Variants in MYT1L observed in about 807,000 individuals in gnomAD.
MYT1L encodes the protein myelin transcription factor 1-like protein.
MYT1L carries 12 observed loss-of-function variants against 126.7 expected under a neutral mutation model. That is an observed-to-expected ratio of 0.09 (90% CI 0.06 to 0.15). The LOEUF (loss-of-function observed/expected upper bound fraction) is 0.15, where lower values mean the gene tolerates loss of function less well. MYT1L is among the 10% of genes least tolerant of loss of function. The probability of loss-of-function intolerance (pLI) is 1.00; values close to 1 mark genes in which losing one functional copy is unlikely to be tolerated. For missense variants in MYT1L, 979 were observed against 1,585.2 expected, an observed-to-expected ratio of 0.62 and a Z score of 6.49; for synonymous variants, 541 against 604.2, an observed-to-expected ratio of 0.90 and a Z score of 1.53.
chr2:1,945,466 C>A (rs1420690259), intron 8 of MYT1L, among the ~76,000 whole-genome samples: 2 of 152,050 alleles, frequency 1.3e-5, no homozygotes, highest in Admixed American at 1.3e-4. Flanking sequence ...TACAGTCAGA[C>A]CCTGGGTGAG....
intron 4 of MYT1L, among the ~76,000 whole-genome samples, chr2:2,018,675 G>A (rs1218787279): frequency 2.0e-5 from 3 of 152,208 alleles, no homozygotes; most frequent in Non-Finnish European, 4.4e-5. Context: ...TCAGGAAGTA[G>A]CAGGGGATCC....
chr2:2,166,351 A>G (rs543037093), intron 3 of MYT1L, among the ~76,000 whole-genome samples: 1 of 152,096 alleles, frequency 6.6e-6, no homozygotes, highest in Admixed American at 6.5e-5. Flanking sequence ...TTGTTTATCT[A>G]CTCCTGTCAC....
At chr2:2,159,533 G>A (rs751507263) in intron 3 of MYT1L, among the ~76,000 whole-genome samples, 1 of 152,046 alleles carries the variant, frequency 6.6e-6, no homozygotes, top group Non-Finnish European at 1.5e-5. Context: ...CCTCGCTGCT[G>A]AGCGCGGGCT....
At chr2:1,823,583 G>A (rs1349315684) in intron 21 of MYT1L, among the ~76,000 whole-genome samples, 1 of 152,122 alleles carries the variant, frequency 6.6e-6, no homozygotes, top group Non-Finnish European at 1.5e-5. Context: ...GACGAGGCTG[G>A]GTGCCTGCAG....
rs141795753 is a variant in MYT1L, at chr2:1,824,691, G to C, written c.3080+14458C>G. On this transcript the variant is annotated intron_variant, in intron 21 of 24. Coordinates refer to ENST00000647738, the MANE Select transcript of MYT1L (RefSeq NM_001303052.2). ...CGAGTTGTCGAGAGGAGAGAGTGGA[G>C]GAGGACTCCGCAGTATCCCGGCTGA... is the stretch of plus-strand genomic sequence containing the variant. 4.0e-5 allele frequency: 6 copies of C among 151,584 alleles called. No individual in the cohort carries two copies. The East Asian group carries it at 1.2e-3, about 29-fold the overall frequency. The allele number at this position is 151,584 out of a possible 1,614,324, so 9.4% of individuals were successfully genotyped here.
At chr2:1,849,385 G>T (rs2042923986) in intron 19 of MYT1L, among the ~76,000 whole-genome samples, 1 of 152,128 alleles carries the variant, frequency 6.6e-6, no homozygotes. Context: ...TTTAATTCTG[G>T]CAATCTTGTT....
intron 2 of MYT1L, among the ~76,000 whole-genome samples, chr2:2,234,304 A>T (rs557292558): frequency 7.9e-5 from 12 of 152,326 alleles, no homozygotes; most frequent in African/African-American, 2.6e-4. Flanking sequence ...TGCTCTGAAG[A>T]TCATAAAAAA....
chr2:2,173,991 A>G (rs1045928921), intron 2 of MYT1L, among the ~76,000 whole-genome samples: 1 of 152,250 alleles, frequency 6.6e-6, no homozygotes, highest in East Asian at 1.9e-4. Flanking sequence ...ACACAAAGGC[A>G]GCCAATAAAA....
At chr2:2,017,157 C>A (rs1340026997) in intron 4 of MYT1L, among the ~76,000 whole-genome samples, 1 of 152,168 alleles carries the variant, frequency 6.6e-6, no homozygotes, top group African/African-American at 2.4e-5. Flanking sequence ...GTAGACTCCA[C>A]ACTGAGAGTT....
chr2:1,928,167 C>G (rs34355734), intron 9 of MYT1L, among the ~76,000 whole-genome samples: 1 of 152,062 alleles, frequency 6.6e-6, no homozygotes, highest in Admixed American at 6.5e-5. Flanking sequence ...TGCCCAGGCT[C>G]GTCTCAAAGT....
intron 14 of MYT1L, among the ~76,000 whole-genome samples, chr2:1,895,572 G>T (rs912103366): frequency 1.3e-5 from 2 of 152,184 alleles, no homozygotes; most frequent in Non-Finnish European, 2.9e-5. Flanking sequence ...ACAACCATCT[G>T]ATCTTTGATA....
intron 3 of MYT1L, among the ~76,000 whole-genome samples, chr2:2,122,837 A>G (rs908926167): frequency 2.4e-4 from 32 of 135,506 alleles, no homozygotes; most frequent in Non-Finnish European, 3.9e-4. Context: ...GAGGATAGGA[A>G]TGTGTGTGTG....
At position 1,923,161 on chromosome 2, in the gene MYT1L, T is replaced by G. The variant is rs2149110353; in HGVS notation, c.608A>C (p.Lys203Thr). The G allele has an allele frequency of 6.2e-7, 1 of 1,614,070 alleles. No homozygotes were observed. Among genetic ancestry groups the G allele is most frequent in the Non-Finnish European group, 8.5e-7 (1 of 1,179,902 alleles). The change falls in exon 10 of 25, where the codon AAG becomes ACG. Residue 203 changes from lysine (K) to threonine (T), a missense_variant. By Grantham distance (78) the Lys-to-Thr change is moderately conservative. This residue lies in a region of MYT1L where 243 missense variants were observed against 363.9 expected (regional missense o/e 0.67). Transcript: ENST00000647738. ...EYDNYDELVA[K>T]SLLNLGKIAE... ...GATTTTGCCGAGGTTTAACAATGACTTGGCCACCAGTTCATCGTAATTGTC... is the reference window on the plus strand; with the variant it reads ...GATTTTGCCGAGGTTTAACAATGACGTGGCCACCAGTTCATCGTAATTGTC...
intron 3 of MYT1L, among the ~76,000 whole-genome samples, chr2:2,076,949 A>G (rs1312206870): frequency 6.6e-6 from 1 of 152,194 alleles, no homozygotes; most frequent in East Asian, 1.9e-4. Flanking sequence ...AATTCAAAGG[A>G]ATCATGGCAA....
chr2:1,826,451 G>A (rs565512982), intron 21 of MYT1L, among the ~76,000 whole-genome samples: 15 of 152,274 alleles, frequency 9.9e-5, no homozygotes, highest in African/African-American at 2.4e-4. Context: ...CCTGGTCAGC[G>A]CTGGGCCAGA....
In MYT1L at chr2:1,952,803, C is replaced by CCCTCCCTCCCTT. The variant is rs1164063299; in HGVS notation, c.153-9481_153-9470dup. Among the ~76,000 whole-genome samples the CCCTCCCTCCCTT allele has an allele frequency of 7.4e-3, 372 of 50,508 alleles. 31 individuals carry two copies. Among genetic ancestry groups the CCCTCCCTCCCTT allele is most frequent in the African/African-American group, 0.027 (213 of 7,750 alleles). The allele number at this position is 50,508 out of a possible 152,430, so 33.1% of individuals were successfully genotyped here. A position where few individuals can be genotyped will look rare whatever the true frequency, so the allele number is the denominator to read the frequency against. On this transcript the variant is annotated intron_variant, in intron 8 of 24. Transcript: ENST00000647738. ...CCTTTCCTCCCTTCCCTCCTTCTCTCCCTCCCTCCCTTCCTCTCTCCCTCC... is the reference window on the plus strand; with the variant it reads ...CCTTTCCTCCCTTCCCTCCTTCTCTCCCTCCCTCCCTTCCTCCCTCCCTTCCTCTCTCCCTCC...
At chr2:1,982,436 A>C (rs952900238) in intron 5 of MYT1L, among the ~76,000 whole-genome samples, 1 of 152,164 alleles carries the variant, frequency 6.6e-6, no homozygotes, top group African/African-American at 2.4e-5. Context: ...GGTGTAGTGG[A>C]AGTTTGGATG....
At position 2,267,471 on chromosome 2, in the gene MYT1L, G is replaced by A. The variant is rs150153768; in HGVS notation, c.-421+16933C>T. 1.1e-3 allele frequency among the ~76,000 whole-genome samples: 167 copies of A among 152,298 alleles called. No homozygotes were observed. The East Asian group carries it at 0.014, about 13-fold the overall frequency. On this transcript the variant is annotated intron_variant, in intron 2 of 24. Transcript: ENST00000647738. Reference sequence around the variant, plus strand: ...GAAAATTGGAGGCTGTATAAGAAGCGGATGTGGCGATACACCATACTGGGG... The same window carrying A: ...GAAAATTGGAGGCTGTATAAGAAGCAGATGTGGCGATACACCATACTGGGG...
chr2:2,167,851 A>G (rs188133128), intron 3 of MYT1L, among the ~76,000 whole-genome samples: 3 of 152,308 alleles, frequency 2.0e-5, no homozygotes, highest in Admixed American at 6.5e-5. Context: ...ATGGCTCAAC[A>G]AGAACAGCTT....
Sources: allele counts gnomAD v4.1 joint callset (sites outside exome capture counted in the v4.1 genomes callset), GRCh38; gene constraint gnomAD v4.1.1; regional missense constraint gnomAD v4.1.1; transcripts MANE v1.5; gene names NCBI Gene and HGNC (gene_info 2026-07-23, HGNC 2026-07-21).